Variants in WIPI1 observed in about 807,000 individuals in gnomAD.
WIPI1 encodes the protein WD repeat domain phosphoinositide-interacting protein 1.
In WIPI1, 45 loss-of-function variants were observed where a neutral mutation model predicts 55.3. The observed-to-expected ratio is 0.81, with a 90% CI of 0.64 to 1.04. WIPI1 has a LOEUF of 1.04. Among genes scored for constraint, WIPI1 ranks in the 50% least tolerant of loss-of-function variants. WIPI1 has a pLI of 0.00. For synonymous variants in WIPI1, 195 were observed against 217.6 expected (o/e 0.90, Z 0.92); for missense variants, 445 against 559.0 (o/e 0.80, Z 2.06).
intron 1 of WIPI1, among the ~76,000 whole-genome samples, chr17:68,456,650 C>G (rs911007483): frequency 6.6e-6 from 1 of 152,174 alleles, no homozygotes; most frequent in African/African-American, 2.4e-5. Flanking sequence ...CTCCTGTTTC[C>G]TGGAGAGAAA....
intron 3 of WIPI1, among the ~76,000 whole-genome samples, chr17:68,450,255 G>A (rs1458555583): frequency 5.3e-5 from 8 of 152,248 alleles, no homozygotes; most frequent in African/African-American, 1.7e-4. Context: ...AGCTGAGGAC[G>A]TGGTGGGAGA....
At chr17:68,437,005 A>AAATATATAT (rs10629905) in intron 4 of WIPI1, among the ~76,000 whole-genome samples, 5,198 of 106,660 alleles carry the variant, frequency 0.049, 148 homozygotes, top group Non-Finnish European at 0.053. Context: ...AAAAAAAAAA[A>AAATATATAT]ATATATATAT....
chr17:68,426,248 G>GGGGGGGGGGGGGGGT, intron 11 of WIPI1, 73 bp from the exon 12 acceptor site: 1 of 832,028 alleles, frequency 1.2e-6, no homozygotes, highest in Middle Eastern at 3.9e-4. Context: ...CGGGTGGGGA[G>GGGGGGGGGGGGGGGT]CGGGGGCTCA....
intron 12 of WIPI1, chr17:68,422,043 C>G (rs1024573420): frequency 3.4e-5 from 20 of 584,856 alleles, no homozygotes; most frequent in South Asian, 9.9e-5. Flanking sequence ...AAAAATGTCT[C>G]TGTGTGTGTG....
At chr17:68,441,592 G>A (rs1015588289) in intron 4 of WIPI1, among the ~76,000 whole-genome samples, 2 of 152,182 alleles carry the variant, frequency 1.3e-5, no homozygotes, top group African/African-American at 4.8e-5. Context: ...CCCGAGTGAG[G>A]ACCTGGTCAT....
intron 10 of WIPI1, among the ~76,000 whole-genome samples, chr17:68,427,833 C>G (rs1383078501): frequency 6.6e-6 from 1 of 152,184 alleles, no homozygotes; most frequent in African/African-American, 2.4e-5. Context: ...GGTGCCCTGG[C>G]CACAGCAGGA....
At chr17:68,455,680 G>T (rs1017166465) in intron 1 of WIPI1, among the ~76,000 whole-genome samples, 1 of 152,198 alleles carries the variant, frequency 6.6e-6, no homozygotes, top group African/African-American at 2.4e-5. Flanking sequence ...TAACAGTAGG[G>T]AGTAAGGAAA....
At position 68,435,683 on chromosome 17, in the gene WIPI1, C is replaced by T. The variant is rs759624115; in HGVS notation, c.558G>A (p.Glu186=). ...TGAAGGTGATGGCAGCTAGTGTTCC[C>T]TCATGGGCAGCAATAGTGCAGACTG... is the stretch of plus-strand genomic sequence containing the variant. ...LKTVCTIAAH[E]GTLAAITFNA... Residue 186 remains glutamate, a synonymous_variant, in exon 6 of 13, where the codon GAG becomes GAA. Transcript: ENST00000262139. 6.2e-7 allele frequency: 1 copy of T among 1,614,214 alleles called. No individual in the cohort carries two copies. Among genetic ancestry groups the T allele is most frequent in the Non-Finnish European group, 8.5e-7 (1 of 1,180,024 alleles).
chr17:68,422,723 T>TATCA (rs2082883415), intron 12 of WIPI1: 1 of 101,592 alleles, frequency 9.8e-6, no homozygotes, highest in Non-Finnish European at 1.8e-5. Context: ...AGTGAGACTC[T>TATCA]ATCATCTCAA....
intron 3 of WIPI1, among the ~76,000 whole-genome samples, 161 bp from the exon 4 acceptor site, chr17:68,444,750 T>C (rs540153033): frequency 1.2e-3 from 190 of 152,280 alleles, no homozygotes; most frequent in Non-Finnish European, 2.2e-3. Flanking sequence ...TGTACACACA[T>C]ACACATGTAA....
chr17:68,434,969 A>C (rs988391970), intron 6 of WIPI1, among the ~76,000 whole-genome samples: 1 of 152,298 alleles, frequency 6.6e-6, no homozygotes, highest in African/African-American at 2.4e-5. Context: ...TGGGAGGCCA[A>C]GGCGGGTGGA....
At chr17:68,430,256 G>T in intron 8 of WIPI1, 96 bp from the exon 9 acceptor site, 1 of 1,255,374 alleles carries the variant, frequency 8.0e-7, no homozygotes, top group Non-Finnish European at 1.1e-6. Context: ...CACACTCCCC[G>T]CAGCAGGGAG....
At chr17:68,436,334 C>T in intron 5 of WIPI1, 48 bp downstream of exon 5, 1 of 1,571,190 alleles carries the variant, frequency 6.4e-7, no homozygotes, top group Non-Finnish European at 8.8e-7. Context: ...TCCATGACCA[C>T]ACAGCCAAGG....
intron 8 of WIPI1, 67 bp from the exon 9 acceptor site, chr17:68,430,227 A>C: frequency 1.6e-5 from 24 of 1,512,734 alleles, no homozygotes; most frequent in Non-Finnish European, 2.1e-5. Context: ...AGGAATCTCC[A>C]CACCCAAGCG....
intron 6 of WIPI1, 81 bp downstream of exon 6, chr17:68,435,539 G>C: frequency 1.5e-6 from 2 of 1,372,504 alleles, no homozygotes; most frequent in Non-Finnish European, 1.0e-6. Flanking sequence ...CATGTCACCA[G>C]GTTTGTTCAA....
intron 4 of WIPI1, among the ~76,000 whole-genome samples, chr17:68,438,879 C>T (rs1402627854): frequency 1.3e-5 from 2 of 152,192 alleles, no homozygotes; most frequent in Admixed American, 6.5e-5. Flanking sequence ...GGATTACAGG[C>T]GTGAGCCATC....
intron 7 of WIPI1, among the ~76,000 whole-genome samples, chr17:68,433,868 T>C (rs111548487): frequency 2.1e-5 from 3 of 141,574 alleles, no homozygotes; most frequent in Non-Finnish European, 4.5e-5. Flanking sequence ...CTGCAACCTC[T>C]ACCTCCTGGG....
At chr17:68,442,939 T>C (rs2084140913) in intron 4 of WIPI1, among the ~76,000 whole-genome samples, 2 of 152,196 alleles carry the variant, frequency 1.3e-5, no homozygotes, top group Admixed American at 6.5e-5. Flanking sequence ...ATGTCTGCAA[T>C]AGATACTTGT....
intron 4 of WIPI1, among the ~76,000 whole-genome samples, chr17:68,437,893 T>C (rs1600326627): frequency 8.2e-6 from 1 of 122,668 alleles, no homozygotes. Flanking sequence ...AGCAATTCCA[T>C]AGAAACCAAA....
Sources: gnomAD v4.1 joint callset for allele counts (sites outside exome capture counted in the v4.1 genomes callset) on GRCh38, gnomAD v4.1.1 for gene constraint, MANE v1.5 for transcripts, NCBI Gene and HGNC (gene_info 2026-07-23, HGNC 2026-07-21) for gene names.